ZEB1: variants seen among roughly 807,000 people sequenced by gnomAD.
ZEB1 encodes the protein zinc finger E-box-binding homeobox 1.
Under a neutral mutation model 84.9 loss-of-function variants are expected in ZEB1, and 21 were observed. The ratio of observed to expected loss-of-function variants is 0.25; its 90% CI spans 0.18 to 0.36. The LOEUF (loss-of-function observed/expected upper bound fraction) is 0.36, where lower values mean the gene tolerates loss of function less well. Among genes scored for constraint, ZEB1 ranks in the 10% least tolerant of loss-of-function variants. The pLI is 1.00. For missense variants in ZEB1, 1,104 were observed against 1,330.2 expected (o/e 0.83, Z 2.65); for synonymous variants, 420 against 471.1 (o/e 0.89, Z 1.41).
chr10:31,484,507 A>G (rs161277), intron 2 of ZEB1, among the ~76,000 whole-genome samples: 28,761 of 151,912 alleles, frequency 0.19, 5,571 homozygotes, highest in African/African-American at 0.5. Context: ...TAGGTAATTT[A>G]CCAGAGTCAC....
At chr10:31,523,131 T>C (rs1008526943) in intron 7 of ZEB1, among the ~76,000 whole-genome samples, 1 of 152,188 alleles carries the variant, frequency 6.6e-6, no homozygotes, top group Non-Finnish European at 1.5e-5. Context: ...AACCTTCAAC[T>C]TTTAGAAAAT....
intron 1 of ZEB1, chr10:31,387,816 T>G: frequency 1.0e-6 from 1 of 954,462 alleles, no homozygotes; most frequent in Non-Finnish European, 1.2e-6. Flanking sequence ...ATCATAAAAT[T>G]TTTTATGTCA....
chr10:31,431,260 A>G (rs2057674419), intron 1 of ZEB1, among the ~76,000 whole-genome samples: 1 of 152,132 alleles, frequency 6.6e-6, no homozygotes, highest in African/African-American at 2.4e-5. Flanking sequence ...CTCTCCTGTT[A>G]TTTTCCTTCC....
chr10:31,441,645 T>C (rs1378472865), intron 1 of ZEB1, among the ~76,000 whole-genome samples: 1 of 151,820 alleles, frequency 6.6e-6, no homozygotes, highest in Non-Finnish European at 1.5e-5. Flanking sequence ...AAAAAATTTT[T>C]GCAATCTACA....
intron 6 of ZEB1, among the ~76,000 whole-genome samples, chr10:31,517,623 T>C (rs186654260): frequency 6.6e-6 from 1 of 152,196 alleles, no homozygotes; most frequent in Admixed American, 6.6e-5. Flanking sequence ...GTGATATGCC[T>C]AACTAATAAA....
chr10:31,421,984 A>G (rs543191987), intron 1 of ZEB1, among the ~76,000 whole-genome samples: 6 of 152,036 alleles, frequency 3.9e-5, no homozygotes, highest in Admixed American at 1.3e-4. Flanking sequence ...AGACACAAAC[A>G]TTGACCCTGA....
chr10:31,443,022 A>C (rs944912558), intron 1 of ZEB1, among the ~76,000 whole-genome samples: 1 of 152,226 alleles, frequency 6.6e-6, no homozygotes, highest in Admixed American at 6.5e-5. Flanking sequence ...TAATCAAGGT[A>C]AGAGATTAGC....
chr10:31,423,248 A>G (rs890536156), intron 1 of ZEB1, among the ~76,000 whole-genome samples: 2 of 152,098 alleles, frequency 1.3e-5, no homozygotes, highest in African/African-American at 2.4e-5. Flanking sequence ...TCTATGGTCA[A>G]CCATTTTCTA....
chr10:31,428,915 G>T (rs1232698325), intron 1 of ZEB1, among the ~76,000 whole-genome samples: 4 of 152,134 alleles, frequency 2.6e-5, no homozygotes, highest in Admixed American at 1.3e-4. Context: ...CGTTAGCTTG[G>T]TAGATTTTCC....
rs763545266 is a variant in ZEB1 at position 31,521,884 on chromosome 10, G to T, written c.2552G>T (p.Ser851Ile). Reference sequence around the variant, plus strand: ...GCATACACCTACTCAACTACGGTCAGCCCTGCAGTCCAAGAACCACCCTTG... The same window carrying T: ...GCATACACCTACTCAACTACGGTCATCCCTGCAGTCCAAGAACCACCCTTG... ...QVAYTYSTTV[S>I]PAVQEPPLKV... Residue 851 changes from serine (S) to isoleucine (I), a missense_variant, in exon 7 of 9, where the codon AGC becomes ATC. Transcript: ENST00000424869. 2.5e-6 allele frequency: 4 copies of T among 1,614,068 alleles called. No individual in the cohort carries two copies. Among genetic ancestry groups the T allele is most frequent in the Non-Finnish European group, 2.5e-6 (3 of 1,179,990 alleles).
chr10:31,493,522 G>A (rs2066831049), intron 2 of ZEB1, among the ~76,000 whole-genome samples: 2 of 151,836 alleles, frequency 1.3e-5, no homozygotes, highest in African/African-American at 4.8e-5. Flanking sequence ...ACGTCTTACA[G>A]GAAAAAAATA....
intron 2 of ZEB1, among the ~76,000 whole-genome samples, chr10:31,464,790 C>A (rs562162100): frequency 6.5e-4 from 99 of 152,246 alleles, no homozygotes; most frequent in African/African-American, 2.1e-3. Context: ...AGTTATACTT[C>A]AGAAATGAAG....
intron 1 of ZEB1, among the ~76,000 whole-genome samples, chr10:31,369,906 G>A (rs1473920476): frequency 2.6e-5 from 4 of 152,130 alleles, no homozygotes; most frequent in Non-Finnish European, 5.9e-5. Context: ...ACTCTAACAG[G>A]TGTAAAGTAA....
rs138218746 is a variant in ZEB1 at position 31,392,578 on chromosome 10, T to C, written c.59-68459T>C. 5.6e-3 allele frequency among the ~76,000 whole-genome samples: 851 copies of C among 152,200 alleles called. 13 individuals are homozygous for C. The highest frequency in any genetic ancestry group is 0.02 in the African/African-American group (815 of 41,554). ...GTTCTGTATTAATTAGGGAAACTAA[T>C]ACCTTTTTCTCAAAATGAAGGAAAT... On this transcript the variant is annotated intron_variant, in intron 1 of 8. Transcript: ENST00000424869.
intron 1 of ZEB1, among the ~76,000 whole-genome samples, chr10:31,376,879 G>A (rs569299768): frequency 9.2e-5 from 14 of 151,614 alleles, no homozygotes; most frequent in African/African-American, 2.9e-4. Context: ...TCATAAAGTT[G>A]TGCCAACGGA....
At chr10:31,344,844 T>C (rs2040022973) in intron 1 of ZEB1, among the ~76,000 whole-genome samples, 1 of 152,130 alleles carries the variant, frequency 6.6e-6, no homozygotes, top group Non-Finnish European at 1.5e-5. Context: ...GAGAACTAAT[T>C]CATGTTTGTT....
At chr10:31,320,057 C>T (rs1458495101) in intron 1 of ZEB1, 2 of 151,364 alleles carry the variant, frequency 1.3e-5, no homozygotes, top group African/African-American at 2.4e-5. Flanking sequence ...ATTAGAGGCG[C>T]GGGGGCGCGG....
At chr10:31,411,708 A>G (rs893536771) in intron 1 of ZEB1, among the ~76,000 whole-genome samples, 2 of 149,634 alleles carry the variant, frequency 1.3e-5, no homozygotes, top group African/African-American at 4.9e-5. Context: ...TTTCTCTCCC[A>G]CAAGAGAAAG....
At chr10:31,391,545 A>G (rs2049738535) in intron 1 of ZEB1, among the ~76,000 whole-genome samples, 1 of 152,032 alleles carries the variant, frequency 6.6e-6, no homozygotes, top group African/African-American at 2.4e-5. Context: ...CCTAACCTCT[A>G]ATGTCTCAGG....
Sources: gnomAD v4.1 joint callset for allele counts (sites outside exome capture counted in the v4.1 genomes callset) on GRCh38, gnomAD v4.1.1 for gene constraint, MANE v1.5 for transcripts, NCBI Gene and HGNC (gene_info 2026-07-23, HGNC 2026-07-21) for gene names.